SH2B3: variants seen among roughly 807,000 people sequenced by gnomAD.
SH2B3 encodes SH2B adaptor protein 3, also known as SH2B adapter protein 3.
In SH2B3, 43 loss-of-function variants were observed where a neutral mutation model predicts 51.9. The ratio of observed to expected loss-of-function variants is 0.83; its 90% CI spans 0.65 to 1.07. SH2B3 has a LOEUF of 1.07. SH2B3 is among the 50% of genes least tolerant of loss of function. The pLI is 0.00. For missense variants in SH2B3, 952 were observed against 834.3 expected (o/e 1.14, Z -1.74); for synonymous variants, 396 against 376.0 (o/e 1.05, Z -0.62).
chr12:111,429,015 C>CGAGGAGGAGGAGGAG lies in SH2B3; in HGVS notation c.732+10156_732+10170dup, dbSNP rs142822757. 8.7e-6 allele frequency among the ~76,000 whole-genome samples: 1 copy of CGAGGAGGAGGAGGAG among 114,906 alleles called. No homozygotes were observed. Among genetic ancestry groups the CGAGGAGGAGGAGGAG allele is most frequent in the African/African-American group, 3.3e-5 (1 of 30,244 alleles). The allele number at this position is 114,906 out of a possible 152,430, so 75.4% of individuals were successfully genotyped here. On this transcript the variant is annotated intron_variant, in intron 2 of 7. Transcript: ENST00000341259. This position sits in a 1 kb window ranked among gnomAD's most constrained non-coding sequence, Gnocchi z 4.4. Reference sequence around the variant, plus strand: ...GCGGTTTCCTCTCGGGGCAGGAGTGCGAGGAGGAGGAGGAGGAGGAGGAGG... The same window carrying CGAGGAGGAGGAGGAG: ...GCGGTTTCCTCTCGGGGCAGGAGTGCGAGGAGGAGGAGGAGGAGGAGGAGGAGGAGGAGGAGGAGG...
In SH2B3 at chr12:111,418,101, C is replaced by G. The variant is rs778662566; in HGVS notation, c.-27-18C>G. The stretch of plus-strand genomic sequence containing the variant: ...ACCTGCTTACTCCTTGTCGCCCCCC[C>G]ACCCACGTGTCTTTCAGCCCGGCCG... On this transcript the variant is annotated intron_variant, in intron 1 of 7. Transcript: ENST00000341259. The surrounding 1 kb of genome is among the most constrained non-coding windows in gnomAD (Gnocchi z 6.7). 9 of 1,470,970 alleles carry G rather than the reference C, an allele frequency of 6.1e-6. No individual in the cohort carries two copies. Among genetic ancestry groups the G allele is most frequent in the Non-Finnish European group, 8.0e-6 (9 of 1,121,972 alleles). 91.1% of individuals were successfully genotyped at this position (1,470,970 alleles called of 1,614,324 possible).
At position 111,418,934 on chromosome 12, in the gene SH2B3, T is replaced by A. The variant is rs7973120; in HGVS notation, c.732+57T>A. On this transcript the variant is annotated intron_variant, in intron 2 of 7. Coordinates refer to ENST00000341259, the MANE Select transcript of SH2B3 (RefSeq NM_005475.3). The surrounding 1 kb of genome is among the most constrained non-coding windows in gnomAD (Gnocchi z 6.7). ...TGCACTGCGCCCTTCGCCTTCACCCTGGGGAGAGCGCGGGCTGGGGAGGTG... is the reference window on the plus strand; with the variant it reads ...TGCACTGCGCCCTTCGCCTTCACCCAGGGGAGAGCGCGGGCTGGGGAGGTG... The A allele has an allele frequency of 0.21, 280,607 of 1,345,106 alleles. 29,822 individuals are homozygous for A. Among genetic ancestry groups the A allele is most frequent in the Middle Eastern group, 0.29 (1,042 of 3,620 alleles). 83.3% of individuals were successfully genotyped at this position (1,345,106 alleles called of 1,614,324 possible). A position where few individuals can be genotyped will look rare whatever the true frequency, so the allele number is the denominator to read the frequency against.
At chr12:111,421,778 C>T (rs914749189) in intron 2 of SH2B3, among the ~76,000 whole-genome samples, 4 of 152,160 alleles carry the variant, frequency 2.6e-5, no homozygotes, top group African/African-American at 9.7e-5. Flanking sequence ...TGTCCCACAA[C>T]TGGTTTATCC....
In SH2B3 at chr12:111,447,193, GGGGCAGCACA is replaced by G; in HGVS notation, c.997_1006del (p.Gly333IlefsTer37). The G allele has an allele frequency of 6.2e-7, 1 of 1,613,744 alleles. No individual in the cohort carries two copies. Among genetic ancestry groups the G allele is most frequent in the Non-Finnish European group, 8.5e-7 (1 of 1,179,616 alleles). ...GAGCCTAGCACGTCCAGCTCCCCAA[GGGGCAGCACA>G]GATTCCCTTAACCAAGGTGGGTAAA... On this transcript the variant is annotated frameshift_variant, in exon 5 of 8. Coordinates refer to ENST00000341259, the MANE Select transcript of SH2B3 (RefSeq NM_005475.3). LOFTEE classifies it high-confidence loss of function.
intron 1 of SH2B3, among the ~76,000 whole-genome samples, chr12:111,412,436 C>T (rs914179433): frequency 6.6e-6 from 1 of 152,226 alleles, no homozygotes; most frequent in African/African-American, 2.4e-5. Context: ...GAGCCCAGCC[C>T]ATGAGGCAGG....
At chr12:111,415,988 C>T (rs1871055924) in intron 1 of SH2B3, among the ~76,000 whole-genome samples, 1 of 152,110 alleles carries the variant, frequency 6.6e-6, no homozygotes, top group Non-Finnish European at 1.5e-5. Flanking sequence ...GTTGCCCAGG[C>T]TGGAGTCCAG....
At position 111,418,568 on chromosome 12, in the gene SH2B3, C is replaced by T; in HGVS notation, c.423C>T (p.Ser141=). 1 of 1,477,658 alleles carries T rather than the reference C, an allele frequency of 6.8e-7. No individual in the cohort carries two copies. Among genetic ancestry groups the T allele is most frequent in the East Asian group, 3.1e-5 (1 of 32,684 alleles). The allele number at this position is 1,477,658 out of a possible 1,614,324, so 91.5% of individuals were successfully genotyped here. The change falls in exon 2 of 8, where the codon AGC becomes AGT. Residue 141 remains serine (S), a synonymous_variant. Coordinates refer to ENST00000341259, the MANE Select transcript of SH2B3 (RefSeq NM_005475.3). This position sits in a 1 kb window ranked among gnomAD's most constrained non-coding sequence, Gnocchi z 6.7. ...GPCSFQHFRR[S]LRHIFRRRSA... ...GCTCCTTCCAGCACTTTCGCCGCAG[C>T]CTCCGCCACATCTTCCGCCGCCGCT...
At chr12:111,445,168 C>T (rs944153342) in intron 2 of SH2B3, among the ~76,000 whole-genome samples, 1 of 152,074 alleles carries the variant, frequency 6.6e-6, no homozygotes, top group Non-Finnish European at 1.5e-5. Flanking sequence ...AGGCCTGGAG[C>T]GGAACTGAAA....
intron 2 of SH2B3, among the ~76,000 whole-genome samples, chr12:111,445,010 T>C (rs1397827977): frequency 6.6e-6 from 1 of 152,164 alleles, no homozygotes; most frequent in African/African-American, 2.4e-5. Context: ...CCAGGCTGGC[T>C]GTGGGTGAGG....
rs1003090471 is a variant in SH2B3, at chr12:111,450,147, G to A, written c.*1845G>A. 1.3e-5 allele frequency: 2 copies of A among 152,144 alleles called. No homozygotes were observed. The highest frequency in any genetic ancestry group is 4.8e-5 in the African/African-American group (2 of 41,414). The allele number at this position is 152,144 out of a possible 1,614,324, so 9.4% of individuals were successfully genotyped here. On this transcript the variant is annotated 3_prime_UTR_variant, in exon 8 of 8. Coordinates refer to ENST00000341259, the MANE Select transcript of SH2B3 (RefSeq NM_005475.3). ...CATGTTGGCCAGGCTGGTCTCGAAT[G>A]TCTGACCTCAGGTGATCCACCCGCC...
chr12:111,436,912 C>T (rs895010640), intron 2 of SH2B3, among the ~76,000 whole-genome samples: 2 of 151,938 alleles, frequency 1.3e-5, no homozygotes, highest in Non-Finnish European at 2.9e-5. Flanking sequence ...GCCCCCCTCC[C>T]GCCACACACA....
chr12:111,420,869 G>A (rs1871492321), intron 2 of SH2B3, among the ~76,000 whole-genome samples: 1 of 152,212 alleles, frequency 6.6e-6, no homozygotes, highest in African/African-American at 2.4e-5. Context: ...GGCGGTTTGG[G>A]AGAGTCATCC....
chr12:111,438,879 T>C lies in SH2B3; in HGVS notation c.733-7874T>C, dbSNP rs1257784357. Among the ~76,000 whole-genome samples, 4 of 152,108 alleles carry C rather than the reference T, an allele frequency of 2.6e-5. No homozygotes were observed. The highest frequency in any genetic ancestry group is 5.9e-5 in the Non-Finnish European group (4 of 68,042). On this transcript the variant is annotated intron_variant, in intron 2 of 7. Transcript: ENST00000341259. This position sits in a 1 kb window ranked among gnomAD's most constrained non-coding sequence, Gnocchi z 4.2. Reference sequence around the variant, plus strand: ...CACACTGAAGAAGAGTGGAGGCCAGTGTGGCTGGATCAGAGCGAGGGAGGG... The same window carrying C: ...CACACTGAAGAAGAGTGGAGGCCAGCGTGGCTGGATCAGAGCGAGGGAGGG...
At position 111,438,663 on chromosome 12, in the gene SH2B3, T is replaced by A. The variant is rs1873113426; in HGVS notation, c.733-8090T>A. ...AGCCAAGTCACGGCAGAGACCTGCA[T>A]CAAGGAATGCGCAAGACCAGCTCAT... On this transcript the variant is annotated intron_variant, in intron 2 of 7. Coordinates refer to ENST00000341259, the MANE Select transcript of SH2B3 (RefSeq NM_005475.3). This position sits in a 1 kb window ranked among gnomAD's most constrained non-coding sequence, Gnocchi z 4.2. 6.6e-6 allele frequency among the ~76,000 whole-genome samples: 1 copy of A among 152,148 alleles called. No individual in the cohort carries two copies. Among genetic ancestry groups the A allele is most frequent in the East Asian group, 1.9e-4 (1 of 5,190 alleles).
chr12:111,418,358 C>A lies in SH2B3; in HGVS notation c.213C>A (p.Phe71Leu), dbSNP rs762505252. 1 of 1,521,554 alleles carries A rather than the reference C, an allele frequency of 6.6e-7. No homozygotes were observed. Among genetic ancestry groups the A allele is most frequent in the South Asian group, 1.2e-5 (1 of 82,774 alleles). 94.3% of individuals were successfully genotyped at this position (1,521,554 alleles called of 1,614,324 possible). ...ELVSLQFTDL[F>L]QRYFCREVRD... ...TGTCGCTGCAGTTCACCGACCTCTT[C>A]CAGCGCTACTTCTGCCGCGAGGTGC... Residue 71 changes from phenylalanine (F) to leucine (L), a missense_variant, in exon 2 of 8, where the codon TTC (phenylalanine) becomes TTA (leucine). By Grantham distance (22) the Phe-to-Leu change is conservative (BLOSUM62 0). Transcript: ENST00000341259. This position sits in a 1 kb window ranked among gnomAD's most constrained non-coding sequence, Gnocchi z 6.7.
chr12:111,435,847 G>T lies in SH2B3; in HGVS notation c.733-10906G>T, dbSNP rs2135581868. 6.6e-6 allele frequency among the ~76,000 whole-genome samples: 1 copy of T among 152,208 alleles called. No homozygotes were observed. The highest frequency in any genetic ancestry group is 1.9e-4 in the East Asian group (1 of 5,194). ...TGGGCTTAGCCAGGCTGGCCACAGTGGGGGCAGGAAGGATTCCTATGGGGA... is the reference window on the plus strand; with the variant it reads ...TGGGCTTAGCCAGGCTGGCCACAGTTGGGGCAGGAAGGATTCCTATGGGGA... On this transcript the variant is annotated intron_variant, in intron 2 of 7. Transcript: ENST00000341259. The surrounding 1 kb of genome is among the most constrained non-coding windows in gnomAD (Gnocchi z 4.8).
intron 1 of SH2B3, among the ~76,000 whole-genome samples, chr12:111,413,212 G>C (rs986719911): frequency 1.3e-5 from 2 of 152,174 alleles, no homozygotes; most frequent in Non-Finnish European, 2.9e-5. Context: ...CCTTGGAAGA[G>C]GTAATATTTT....
Position 111,448,432 on chromosome 12 carries a change from A to G in SH2B3, c.*130A>G, listed in dbSNP as rs756801823. 1 of 733,560 alleles carries G rather than the reference A, an allele frequency of 1.4e-6. No individual in the cohort carries two copies. Among genetic ancestry groups the G allele is most frequent in the Non-Finnish European group, 2.2e-6 (1 of 452,952 alleles). 45.4% of individuals were successfully genotyped at this position (733,560 alleles called of 1,614,324 possible). ...AGGGACACTGTTAACTGCTCGTGCC[A>G]GTTTGGAAGTGACCCTTCTATTAGG... On this transcript the variant is annotated 3_prime_UTR_variant, in exon 8 of 8. Coordinates refer to ENST00000341259, the MANE Select transcript of SH2B3 (RefSeq NM_005475.3).
At position 111,438,469 on chromosome 12, in the gene SH2B3, A is replaced by G. The variant is rs76649283; in HGVS notation, c.733-8284A>G. Among the ~76,000 whole-genome samples, 11 of 152,206 alleles carry G rather than the reference A, an allele frequency of 7.2e-5. No homozygotes were observed. The East Asian group carries it at 2.1e-3, about 29-fold the overall frequency. ...GAGAGCACTGGCTTGTAGCATCCCT[A>G]TCACTCATGGTCTTCACTGGGGTGG... On this transcript the variant is annotated intron_variant, in intron 2 of 7. Coordinates refer to ENST00000341259, the MANE Select transcript of SH2B3 (RefSeq NM_005475.3). The surrounding 1 kb of genome is among the most constrained non-coding windows in gnomAD (Gnocchi z 4.2).
Sources: allele counts gnomAD v4.1 joint callset (sites outside exome capture counted in the v4.1 genomes callset), GRCh38; gene constraint gnomAD v4.1.1; non-coding constraint Gnocchi (gnomAD v3.1); transcripts MANE v1.5; gene names NCBI Gene and HGNC (gene_info 2026-07-23, HGNC 2026-07-21).